SLC23A2: variants seen among roughly 807,000 people sequenced by gnomAD.
SLC23A2 encodes the protein Na(+)/L-ascorbic acid transporter 2.
SLC23A2 carries 36 observed loss-of-function variants against 73.3 expected under a neutral mutation model. That is an observed-to-expected ratio of 0.49 (90% confidence interval 0.38 to 0.65). The LOEUF is 0.65. SLC23A2 is among the 30% of genes least tolerant of loss of function. The pLI, the probability that SLC23A2 is intolerant of heterozygous loss-of-function variation, is 0.00. For missense variants in SLC23A2, 507 were observed against 841.6 expected (o/e 0.60, Z 4.92); for synonymous variants, 343 against 327.3 (o/e 1.05, Z -0.52).
chr20:4,922,396 T>C (rs1715368), intron 3 of SLC23A2, among the ~76,000 whole-genome samples: 14,256 of 152,140 alleles, frequency 0.094, 798 homozygotes, highest in African/African-American at 0.15. Context: ...GGGGATCACA[T>C]GGGGTAGGAA....
rs71197739 is a variant in SLC23A2, at chr20:4,986,689, C to CACACACACACACACACACAGAG, written c.-282+14716_-282+14717insCTCTGTGTGTGTGTGTGTGTGT. Among the ~76,000 whole-genome samples, 61 of 129,876 alleles carry CACACACACACACACACACAGAG rather than the reference C, an allele frequency of 4.7e-4. 1 individual carries two copies. The highest frequency in any genetic ancestry group is 2.6e-3 in the East Asian group (11 of 4,182). The allele number at this position is 129,876 out of a possible 152,430, so 85.2% of individuals were successfully genotyped here. A position where few individuals can be genotyped will look rare whatever the true frequency, so the allele number is the denominator to read the frequency against. On this transcript the variant is annotated intron_variant, in intron 1 of 16. Transcript: ENST00000338244. ...ACACACACACACACACACACACACA[C>CACACACACACACACACACAGAG]AGAGATGAATATAAATAGAGAGAAG...
chr20:4,950,357 C>G (rs1180124968), intron 2 of SLC23A2, among the ~76,000 whole-genome samples: 1 of 152,092 alleles, frequency 6.6e-6, no homozygotes, highest in Admixed American at 6.5e-5. Flanking sequence ...CAATTGTTTT[C>G]AAAGCTCAAA....
chr20:4,889,991 T>C (rs1248692469), intron 6 of SLC23A2, among the ~76,000 whole-genome samples: 2 of 152,162 alleles, frequency 1.3e-5, no homozygotes, highest in East Asian at 3.8e-4. Flanking sequence ...AGCCTCCAGA[T>C]GCCGGGCGGC....
intron 15 of SLC23A2, 135 bp downstream of exon 15, chr20:4,861,813 C>G: frequency 1.2e-6 from 1 of 865,778 alleles, no homozygotes; most frequent in South Asian, 1.6e-5. Context: ...AAGTGAGATT[C>G]AAGAGAGATC....
chr20:4,986,868 T>G lies in SLC23A2; in HGVS notation c.-282+14538A>C, dbSNP rs182934984. Among the ~76,000 whole-genome samples, 1,279 of 151,980 alleles carry G rather than the reference T, an allele frequency of 8.4e-3. 47 individuals carry two copies. The South Asian group carries it at 0.14, about 16-fold the overall frequency. ...AAAGCATCATTGTAAGCAATGGAAC[T>G]AAACACCAGAAAAAGTATATTTGAC... is the stretch of plus-strand genomic sequence containing the variant. On this transcript the variant is annotated intron_variant, in intron 1 of 16. Coordinates refer to ENST00000338244, the MANE Select transcript of SLC23A2 (RefSeq NM_005116.6).
chr20:4,898,392 C>T (rs1249743805), intron 6 of SLC23A2, among the ~76,000 whole-genome samples: 2 of 152,234 alleles, frequency 1.3e-5, no homozygotes, highest in African/African-American at 4.8e-5. Context: ...CCCCTATCCC[C>T]GTGCCGCGTT....
chr20:4,887,534 T>C (rs1420712583), intron 6 of SLC23A2, among the ~76,000 whole-genome samples: 1 of 152,228 alleles, frequency 6.6e-6, no homozygotes, highest in African/African-American at 2.4e-5. Flanking sequence ...AGACTGGATC[T>C]GGCTTCCACT....
chr20:4,996,824 T>C (rs977768084), intron 1 of SLC23A2, among the ~76,000 whole-genome samples: 21 of 152,156 alleles, frequency 1.4e-4, no homozygotes, highest in African/African-American at 5.1e-4. Flanking sequence ...GTCACAGACT[T>C]GGCTGAGGTC....
At chr20:4,905,186 G>A (rs2122879334) in intron 4 of SLC23A2, among the ~76,000 whole-genome samples, 1 of 149,674 alleles carries the variant, frequency 6.7e-6, no homozygotes, top group African/African-American at 2.5e-5. Flanking sequence ...ACAGGCGCAT[G>A]TATGCACATG....
chr20:4,958,545 A>G (rs1208591997), intron 2 of SLC23A2, among the ~76,000 whole-genome samples: 1 of 152,182 alleles, frequency 6.6e-6, no homozygotes, highest in East Asian at 1.9e-4. Flanking sequence ...CAGTAGCTGC[A>G]AATGTTTATT....
chr20:4,973,122 T>C (rs940128123), intron 1 of SLC23A2, among the ~76,000 whole-genome samples: 6 of 152,248 alleles, frequency 3.9e-5, no homozygotes, highest in African/African-American at 1.4e-4. Context: ...AATTACATAG[T>C]ATGCATTTGT....
At chr20:4,985,851 G>A (rs955716804) in intron 1 of SLC23A2, among the ~76,000 whole-genome samples, 1 of 152,100 alleles carries the variant, frequency 6.6e-6, no homozygotes, top group Admixed American at 6.6e-5. Context: ...AGGGGAGAAG[G>A]GAGAGTAACC....
chr20:4,996,760 T>C (rs1215221833), intron 1 of SLC23A2, among the ~76,000 whole-genome samples: 2 of 146,630 alleles, frequency 1.4e-5, no homozygotes, highest in Admixed American at 1.4e-4. Context: ...AGAAAACCAC[T>C]CTCCTTTAAG....
At position 4,934,795 on chromosome 20, in the gene SLC23A2, G is replaced by A. The variant is rs1011049957; in HGVS notation, c.-154-2079C>T. Among the ~76,000 whole-genome samples, 8 of 151,892 alleles carry A rather than the reference G, an allele frequency of 5.3e-5. No individual in the cohort carries two copies. In the East Asian group the frequency reaches 9.7e-4, roughly 18 times the overall value. Reference sequence around the variant, plus strand: ...GGAGGATCACTCGAACCTGGGAGCCGGACGTTGCAGTGAGCCAAGATTGCG... The same window carrying A: ...GGAGGATCACTCGAACCTGGGAGCCAGACGTTGCAGTGAGCCAAGATTGCG... On this transcript the variant is annotated intron_variant, in intron 2 of 16. Transcript: ENST00000338244.
chr20:4,875,050 A>G (rs1186457186), intron 9 of SLC23A2, among the ~76,000 whole-genome samples: 3 of 152,226 alleles, frequency 2.0e-5, no homozygotes, highest in African/African-American at 7.2e-5. Flanking sequence ...GATGCCAGAT[A>G]CAACATAAAC....
At chr20:4,941,770 A>T (rs889377695) in intron 2 of SLC23A2, among the ~76,000 whole-genome samples, 2 of 152,126 alleles carry the variant, frequency 1.3e-5, no homozygotes, top group Non-Finnish European at 2.9e-5. Context: ...TAATAAAAAT[A>T]AAAAAATAAA....
Position 4,902,414 on chromosome 20 carries a change from G to T in SLC23A2, c.324+28C>A. 1 of 1,239,556 alleles carries T rather than the reference G, an allele frequency of 8.1e-7. No homozygotes were observed. Among genetic ancestry groups the T allele is most frequent in the East Asian group, 2.4e-5 (1 of 42,180 alleles). 76.8% of individuals were successfully genotyped at this position (1,239,556 alleles called of 1,614,324 possible). The stretch of plus-strand genomic sequence containing the variant: ...TAGACAATGCAAACACCTGCTGGTA[G>T]TTACACATCCTACAGGAACCATCTT... On this transcript the variant is annotated intron_variant, in intron 5 of 16. Transcript: ENST00000338244. The surrounding 1 kb of genome is among the most constrained non-coding windows in gnomAD (Gnocchi z 4.0).
intron 6 of SLC23A2, among the ~76,000 whole-genome samples, chr20:4,896,868 T>A (rs747228418): frequency 1.3e-5 from 2 of 152,232 alleles, no homozygotes; most frequent in Non-Finnish European, 2.9e-5. Flanking sequence ...CTGGCCTCTG[T>A]GTGCCTGGGC....
chr20:4,882,307 G>A (rs1176243900), intron 9 of SLC23A2, among the ~76,000 whole-genome samples: 1 of 152,076 alleles, frequency 6.6e-6, no homozygotes, highest in East Asian at 1.9e-4. Flanking sequence ...CTCGGGAGGT[G>A]GAGGTTGCAG....
Sources: gnomAD v4.1 joint callset for allele counts (sites outside exome capture counted in the v4.1 genomes callset) on GRCh38, gnomAD v4.1.1 for gene constraint, Gnocchi (gnomAD v3.1) non-coding constraint, MANE v1.5 for transcripts, NCBI Gene and HGNC (gene_info 2026-07-23, HGNC 2026-07-21) for gene names.